The following NEB variants were observed in gnomAD, a reference collection of about 807,000 sequenced individuals.
NEB encodes nebulin, also known as nemaline myopathy type 2.
NEB carries 512 observed loss-of-function variants against 952.2 expected under a neutral mutation model. That is an observed-to-expected ratio of 0.54 (90% CI 0.50 to 0.58). The LOEUF (loss-of-function observed/expected upper bound fraction) is 0.58, where lower values mean the gene tolerates loss of function less well. Among genes scored for constraint, NEB ranks in the 20% least tolerant of loss-of-function variants. The probability of loss-of-function intolerance (pLI) is 0.00; values close to 1 mark genes in which losing one functional copy is unlikely to be tolerated. For missense variants in NEB, 8,428 were observed against 9,231.1 expected, an observed-to-expected ratio of 0.91 and a Z score of 3.56; for synonymous variants, 2,900 against 3,149.8, an observed-to-expected ratio of 0.92 and a Z score of 2.66.
chr2:151,526,228 CCT>C lies in NEB; in HGVS notation c.21978_21979del (p.Gly7327AsnfsTer7). On this transcript the variant is annotated frameshift_variant, in exon 149 of 182. Transcript: ENST00000397345. LOFTEE classifies it high-confidence loss of function. ...CGTGTCAGGTACGGCATGGCAGGTTCCTCTTTCCTTGACATGTTTCTCTTTGT... is the reference window on the plus strand; with the variant it reads ...CGTGTCAGGTACGGCATGGCAGGTTCCTTTCCTTGACATGTTTCTCTTTGT... 1 of 1,612,924 alleles carries C rather than the reference CCT, an allele frequency of 6.2e-7. No homozygotes were observed. The highest frequency in any genetic ancestry group is 2.2e-5 in the East Asian group (1 of 44,784).
In NEB at chr2:151,570,400, T is replaced by G; in HGVS notation, c.17119-8A>C. 1 of 1,568,852 alleles carries G rather than the reference T, an allele frequency of 6.4e-7. No individual in the cohort carries two copies. The highest frequency in any genetic ancestry group is 8.6e-7 in the Non-Finnish European group (1 of 1,159,482). On this transcript the variant is annotated splice_polypyrimidine_tract_variant and splice_region_variant and intron_variant, in intron 108 of 181. Coordinates refer to ENST00000397345, the MANE Select transcript of NEB (RefSeq NM_001164508.2). ...GTCAAGCTTATATTTATACTGGAGA[T>G]GCAAAAATAAAGCAGATGGGTCACA...
intron 168 of NEB, among the ~76,000 whole-genome samples, chr2:151,500,592 C>CCTT (rs2063694892): frequency 8.3e-6 from 1 of 120,154 alleles, no homozygotes; most frequent in African/African-American, 2.7e-5. Context: ...TTTCTTTCTT[C>CCTT]CTTTTTTTTT....
chr2:151,672,512 C>A lies in NEB; in HGVS notation c.4156G>T (p.Asp1386Tyr). The change falls in exon 37 of 182, where the codon GAC (aspartate) becomes TAC (tyrosine). Residue 1386 changes from aspartate to tyrosine, a missense_variant. Transcript: ENST00000397345. ...TTTGCAGCTGTGATGCTAACCATGT[C>A]CCCAGGGGTATGGTAGCTGGTTTTG... ...NTKTSYHTPG[D>Y]MVSITAAKMA... 6.2e-7 allele frequency: 1 copy of A among 1,613,952 alleles called. No individual in the cohort carries two copies. The highest frequency in any genetic ancestry group is 2.2e-5 in the East Asian group (1 of 44,888).
chr2:151,610,171 A>C, intron 80 of NEB, 51 bp from the exon 81 acceptor site: 1 of 1,440,856 alleles, frequency 6.9e-7, no homozygotes, highest in Admixed American at 2.1e-5. Context: ...AACCATGCTC[A>C]TGTGCTGACA....
chr2:151,557,315 C>A (rs1462173020), intron 124 of NEB, among the ~76,000 whole-genome samples: 3 of 152,048 alleles, frequency 2.0e-5, no homozygotes, highest in Admixed American at 2.0e-4. Context: ...AAGACTAAAC[C>A]AGGAAGAAGT....
intron 142 of NEB, chr2:151,534,354 A>G (rs772844675): frequency 1.3e-6 from 2 of 1,569,994 alleles, no homozygotes; most frequent in South Asian, 1.1e-5. Flanking sequence ...TAGCAAGAGT[A>G]CAACTTCAAG....
chr2:151,712,267 ATAATT>A (rs1452533165), intron 10 of NEB, among the ~76,000 whole-genome samples: 2 of 152,220 alleles, frequency 1.3e-5, no homozygotes, highest in Admixed American at 1.3e-4. Flanking sequence ...ACTTTGAAAT[ATAATT>A]TAAAGTTGAG....
Position 151,664,491 on chromosome 2 carries a change from A to T in NEB, c.5451+10T>A. ...GCTCAACCCCAAAAAGGCCCAGTGCAAGCACTTACATCACTGGCAATGTCT... is the reference window on the plus strand; with the variant it reads ...GCTCAACCCCAAAAAGGCCCAGTGCTAGCACTTACATCACTGGCAATGTCT... On this transcript the variant is annotated intron_variant, in intron 44 of 181. Transcript: ENST00000397345. The T allele has an allele frequency of 1.9e-6, 3 of 1,561,464 alleles. No individual in the cohort carries two copies. Among genetic ancestry groups the T allele is most frequent in the Non-Finnish European group, 2.6e-6 (3 of 1,155,780 alleles).
intron 169 of NEB, 88 bp downstream of exon 169, chr2:151,499,210 G>A (rs1360456867): frequency 1.5e-6 from 1 of 668,782 alleles, no homozygotes; most frequent in Non-Finnish European, 2.4e-6. Context: ...TTTTTATTGG[G>A]ATGAGTTGAT....
chr2:151,646,620 G>A (rs1007449322), intron 54 of NEB, among the ~76,000 whole-genome samples: 2 of 152,112 alleles, frequency 1.3e-5, no homozygotes, highest in African/African-American at 2.4e-5. Flanking sequence ...CTAGAAATCA[G>A]GAAGTTTTAT....
In NEB at chr2:151,609,917, C is replaced by G; in HGVS notation, c.12222G>C (p.Gln4074His). The change falls in exon 81 of 182, where the codon CAG becomes CAC. Residue 4074 changes from glutamine to histidine, a missense_variant. Transcript: ENST00000397345. ...MLSILLAKKC[Q>H]TLVTDIDYRN... is the part of the protein sequence containing the mutation. ...GATAATCAATGTCAGTGACCAAAGT[C>G]TGACATTTCTTGGCCAGCAAGATGC... The G allele has an allele frequency of 6.2e-7, 1 of 1,613,916 alleles. No homozygotes were observed. The highest frequency in any genetic ancestry group is 8.5e-7 in the Non-Finnish European group (1 of 1,179,846).
intron 13 of NEB, among the ~76,000 whole-genome samples, chr2:151,698,768 G>C (rs1389947305): frequency 6.6e-6 from 1 of 151,386 alleles, no homozygotes; most frequent in Non-Finnish European, 1.5e-5. Context: ...CTCCCGAGTA[G>C]CTGGGACTAC....
At chr2:151,494,658 G>GTT in intron 173 of NEB, among the ~76,000 whole-genome samples, 1 of 151,700 alleles carries the variant, frequency 6.6e-6, no homozygotes, top group East Asian at 1.9e-4. Context: ...GTTTTGTTTT[G>GTT]TTTTTGAGAC....
Position 151,540,766 on chromosome 2 carries a change from G to A in NEB, c.20718C>T (p.Pro6906=). Residue 6906 remains proline, a synonymous_variant, in exon 137 of 182, where the codon CCC becomes CCT. Coordinates refer to ENST00000397345, the MANE Select transcript of NEB (RefSeq NM_001164508.2). The part of the protein sequence containing the change: ...LYVELATKER[P]HHHAGNQTTA... ...TGGTCTGGTTTCCAGCGTGATGATG[G>A]GGTCTCTCTTTGGTGGCAAGTTCAA... 2 of 1,613,526 alleles carry A rather than the reference G, an allele frequency of 1.2e-6. No homozygotes were observed. The highest frequency in any genetic ancestry group is 1.7e-6 in the Non-Finnish European group (2 of 1,179,610).
intron 179 of NEB, 43 bp from the exon 180 acceptor site, chr2:151,490,561 T>G (rs369504639): frequency 6.3e-7 from 1 of 1,592,708 alleles, no homozygotes; most frequent in African/African-American, 1.3e-5. Flanking sequence ...AACATGAAAT[T>G]TCTATGGTAG....
At chr2:151,503,616 G>T (rs997012802) in intron 165 of NEB, among the ~76,000 whole-genome samples, 175 bp from the exon 166 acceptor site, 21 of 88,088 alleles carry the variant, frequency 2.4e-4, no homozygotes, top group Non-Finnish European at 5.1e-4. Flanking sequence ...TTCCAAAATA[G>T]TAAAAATTTT....
Position 151,492,121 on chromosome 2 carries a change from T to G in NEB, c.25034A>C (p.Asp8345Ala). The G allele has an allele frequency of 6.2e-7, 1 of 1,613,944 alleles. No homozygotes were observed. Among genetic ancestry groups the G allele is most frequent in the Non-Finnish European group, 8.5e-7 (1 of 1,179,842 alleles). ...KVVEMEQKRN[D>A]QDQETITGLR... The stretch of plus-strand genomic sequence containing the variant: ...ACCTGTAATAGTCTCCTGATCTTGG[T>G]CATTCCGTTTTTGTTCCATTTCTAC... The change falls in exon 178 of 182, where the codon GAC (aspartate) becomes GCC (alanine). Residue 8345 changes from aspartate to alanine, a missense_variant. Around this residue, in one of 11 missense-constraint regions of NEB, gnomAD observed 3,374 missense variants for 3,651.5 expected, o/e 0.92. Coordinates refer to ENST00000397345, the MANE Select transcript of NEB (RefSeq NM_001164508.2).
intron 46 of NEB, among the ~76,000 whole-genome samples, chr2:151,661,331 G>A (rs1003739985): frequency 1.3e-5 from 2 of 152,146 alleles, no homozygotes; most frequent in Admixed American, 6.5e-5. Flanking sequence ...AGGAGGTTGA[G>A]CTCCACAAAT....
At chr2:151,683,324 A>G (rs545521116) in intron 28 of NEB, among the ~76,000 whole-genome samples, 12 of 152,334 alleles carry the variant, frequency 7.9e-5, no homozygotes, top group South Asian at 2.1e-4. Context: ...GTTAATTTGC[A>G]TAAGAGGGCG....
Sources: gnomAD v4.1 joint callset for allele counts (sites outside exome capture counted in the v4.1 genomes callset) on GRCh38, gnomAD v4.1.1 for gene constraint, gnomAD v4.1.1 regional missense constraint, MANE v1.5 for transcripts, NCBI Gene and HGNC (gene_info 2026-07-23, HGNC 2026-07-21) for gene names.